Variants in CDH10 observed in about 807,000 individuals in gnomAD.
The protein encoded by CDH10 is cadherin-10.
A neutral mutation model predicts 73.1 loss-of-function variants in CDH10; 30 were observed. The observed-to-expected ratio is 0.41, with a 90% CI of 0.31 to 0.56. The LOEUF (loss-of-function observed/expected upper bound fraction) is 0.56, where lower values mean the gene tolerates loss of function less well. Ranked by LOEUF, CDH10 falls within the 20% of genes least tolerant of loss-of-function variation. The probability of loss-of-function intolerance (pLI) is 0.27; values close to 1 mark genes in which losing one functional copy is unlikely to be tolerated. For missense variants in CDH10, 815 were observed against 973.7 expected (o/e 0.84, Z 2.17); for synonymous variants, 345 against 348.2 (o/e 0.99, Z 0.10).
At chr5:24,634,154 G>A (rs922447825) in intron 1 of CDH10, among the ~76,000 whole-genome samples, 1 of 151,774 alleles carries the variant, frequency 6.6e-6, no homozygotes, top group South Asian at 2.1e-4. Context: ...ATTTTGAAAA[G>A]AAATGATTAT....
At chr5:24,579,947 T>A (rs756780307) in intron 2 of CDH10, among the ~76,000 whole-genome samples, 5 of 152,154 alleles carry the variant, frequency 3.3e-5, no homozygotes, top group African/African-American at 7.2e-5. Flanking sequence ...TCTTACTCTA[T>A]CTAAAGCTGA....
intron 1 of CDH10, among the ~76,000 whole-genome samples, chr5:24,597,225 T>C (rs1383917564): frequency 2.0e-5 from 3 of 152,086 alleles, no homozygotes; most frequent in Non-Finnish European, 4.4e-5. Context: ...TATTCACAAC[T>C]CCTGGGTCAC....
intron 2 of CDH10, among the ~76,000 whole-genome samples, chr5:24,586,005 A>AT (rs1745980457): frequency 6.6e-6 from 1 of 152,142 alleles, no homozygotes; most frequent in Admixed American, 6.5e-5. Flanking sequence ...CGTCTTGCAC[A>AT]TTTTTTGGGG....
At chr5:24,615,468 A>G (rs1747097521) in intron 1 of CDH10, among the ~76,000 whole-genome samples, 1 of 152,218 alleles carries the variant, frequency 6.6e-6, no homozygotes, top group African/African-American at 2.4e-5. Flanking sequence ...AGTACAGGAA[A>G]CTAGTTTTGA....
intron 7 of CDH10, among the ~76,000 whole-genome samples, chr5:24,505,459 A>G (rs1475379322): frequency 6.6e-6 from 1 of 152,212 alleles, no homozygotes; most frequent in Non-Finnish European, 1.5e-5. Flanking sequence ...TTTCAATGCT[A>G]TTCTTCTGAA....
chr5:24,599,944 T>C (rs1484216136), intron 1 of CDH10, among the ~76,000 whole-genome samples: 1 of 152,124 alleles, frequency 6.6e-6, no homozygotes, highest in East Asian at 1.9e-4. Context: ...AAAAAAAGGA[T>C]TATCTCCTAA....
At chr5:24,495,511 C>G (rs903702710) in intron 9 of CDH10, among the ~76,000 whole-genome samples, 5 of 151,820 alleles carry the variant, frequency 3.3e-5, no homozygotes, top group Admixed American at 3.3e-4. Flanking sequence ...TATGGGAAGC[C>G]TTGGAGTTTC....
intron 2 of CDH10, among the ~76,000 whole-genome samples, chr5:24,564,454 G>A (rs1001403013): frequency 2.0e-5 from 3 of 152,074 alleles, no homozygotes; most frequent in Non-Finnish European, 4.4e-5. Flanking sequence ...CTTCTATAAT[G>A]AAGTCAAGAA....
chr5:24,573,379 G>A (rs933990171), intron 2 of CDH10, among the ~76,000 whole-genome samples: 3 of 151,960 alleles, frequency 2.0e-5, no homozygotes, highest in Non-Finnish European at 2.9e-5. Flanking sequence ...GTTTCCAAGA[G>A]TACCAGAATA....
chr5:24,604,195 TA>T (rs1746672095), intron 1 of CDH10, among the ~76,000 whole-genome samples: 1 of 151,448 alleles, frequency 6.6e-6, no homozygotes, highest in Admixed American at 6.6e-5. Flanking sequence ...CAAAAAAATT[TA>T]AAAATTAGCC....
At chr5:24,531,566 T>A (rs1351344623) in intron 5 of CDH10, among the ~76,000 whole-genome samples, 1 of 151,970 alleles carries the variant, frequency 6.6e-6, no homozygotes, top group Non-Finnish European at 1.5e-5. Context: ...CAAAGTCACG[T>A]CTTACATGGC....
intron 5 of CDH10, among the ~76,000 whole-genome samples, chr5:24,513,449 G>A (rs1742994080): frequency 6.6e-6 from 1 of 152,114 alleles, no homozygotes; most frequent in African/African-American, 2.4e-5. Flanking sequence ...GCTATGCCAA[G>A]CCAAGGAGAG....
chr5:24,622,523 T>G (rs1742995575), intron 1 of CDH10, among the ~76,000 whole-genome samples: 1 of 152,160 alleles, frequency 6.6e-6, no homozygotes, highest in Admixed American at 6.5e-5. Context: ...TTCAGATCAC[T>G]CTAGTGTTCT....
intron 2 of CDH10, among the ~76,000 whole-genome samples, chr5:24,590,596 T>C (rs950885907): frequency 6.6e-6 from 1 of 152,016 alleles, no homozygotes; most frequent in Non-Finnish European, 1.5e-5. Context: ...TGAGCAGTAA[T>C]GGGATTTTCG....
intron 2 of CDH10, among the ~76,000 whole-genome samples, chr5:24,590,783 T>A (rs1236893288): frequency 1.3e-5 from 2 of 152,076 alleles, no homozygotes; most frequent in Non-Finnish European, 2.9e-5. Flanking sequence ...CCATTGCTAG[T>A]GGGAGAGTGC....
intron 2 of CDH10, among the ~76,000 whole-genome samples, chr5:24,548,561 TG>T (rs1232748192): frequency 6.6e-6 from 1 of 151,424 alleles, no homozygotes; most frequent in Non-Finnish European, 1.5e-5. Context: ...AATGGTATTA[TG>T]GAGAGTAATC....
intron 5 of CDH10, among the ~76,000 whole-genome samples, chr5:24,517,004 A>G (rs928555958): frequency 6.6e-6 from 1 of 152,128 alleles, no homozygotes; most frequent in Non-Finnish European, 1.5e-5. Context: ...TAAAAATCTA[A>G]ATAACAGCAA....
rs1473573365 is a variant in CDH10, at chr5:24,498,364, A to G, written c.1515+34T>C. 5.4e-6 allele frequency: 8 copies of G among 1,494,774 alleles called. No homozygotes were observed. The Admixed American group carries it at 5.9e-5, about 11-fold the overall frequency. The allele number at this position is 1,494,774 out of a possible 1,614,324, so 92.6% of individuals were successfully genotyped here. A position where few individuals can be genotyped will look rare whatever the true frequency, so the allele number is the denominator to read the frequency against. On this transcript the variant is annotated intron_variant, in intron 9 of 11. Transcript: ENST00000264463. ...AGAAAATATTTTGCATACAGTTAAAATCTTTCCAGAGTTTTAATCCTGTAG... is the reference window on the plus strand; with the variant it reads ...AGAAAATATTTTGCATACAGTTAAAGTCTTTCCAGAGTTTTAATCCTGTAG...
intron 1 of CDH10, among the ~76,000 whole-genome samples, chr5:24,624,199 C>T (rs867207871): frequency 6.6e-6 from 1 of 152,106 alleles, no homozygotes; most frequent in Admixed American, 6.5e-5. Flanking sequence ...ACTGTTTCCT[C>T]CATAGCACTT....
Sources: gnomAD v4.1 joint callset for allele counts (sites outside exome capture counted in the v4.1 genomes callset) on GRCh38, gnomAD v4.1.1 for gene constraint, MANE v1.5 for transcripts, NCBI Gene and HGNC (gene_info 2026-07-23, HGNC 2026-07-21) for gene names.